The following ANO4 variants were observed in gnomAD, a reference collection of about 807,000 sequenced individuals.
ANO4 encodes anoctamin 4.
Under a neutral mutation model 141.9 loss-of-function variants are expected in ANO4, and 69 were observed. The observed-to-expected ratio is 0.49, with a 90% CI of 0.40 to 0.59. The LOEUF (loss-of-function observed/expected upper bound fraction) is 0.59. Among genes scored for constraint, ANO4 ranks in the 20% least tolerant of loss-of-function variants. The probability of loss-of-function intolerance (pLI) is 0.00; values close to 1 mark genes in which losing one functional copy is unlikely to be tolerated. For synonymous variants in ANO4, 350 were observed against 394.3 expected (o/e 0.89, Z 1.33); for missense variants, 894 against 1,162.2 (o/e 0.77, Z 3.36).
At chr12:100,893,054 G>T (rs958513376) in intron 1 of ANO4, among the ~76,000 whole-genome samples, 7 of 152,160 alleles carry the variant, frequency 4.6e-5, no homozygotes, top group African/African-American at 1.7e-4. Context: ...AGGTCTTGGT[G>T]TAGTTATGTA....
At chr12:100,871,937 T>TA (rs1289370867) in intron 1 of ANO4, among the ~76,000 whole-genome samples, 1 of 152,202 alleles carries the variant, frequency 6.6e-6, no homozygotes, top group African/African-American at 2.4e-5. Context: ...ATTTAGTTTA[T>TA]AAAAAAGGGC....
chr12:100,776,754 G>A (rs1462240394), intron 3 of ANO4, among the ~76,000 whole-genome samples: 1 of 152,148 alleles, frequency 6.6e-6, no homozygotes, highest in Non-Finnish European at 1.5e-5. Flanking sequence ...TAAATACTAA[G>A]CCAACAAGAG....
At chr12:101,109,516 G>A (rs764228282) in intron 22 of ANO4, among the ~76,000 whole-genome samples, 22 of 151,966 alleles carry the variant, frequency 1.4e-4, no homozygotes, top group African/African-American at 4.8e-4. Flanking sequence ...AGCCGAGATC[G>A]TGCTGCTACA....
At chr12:100,790,254 T>C (rs1459643353), upstream of ANO4, among the ~76,000 whole-genome samples, 1 of 152,212 alleles carries the variant, frequency 6.6e-6, no homozygotes, top group Non-Finnish European at 1.5e-5. Context: ...GGGCTTTGAA[T>C]GTCAGGTGCA....
chr12:100,857,601 G>A (rs561904927), intron 1 of ANO4, among the ~76,000 whole-genome samples: 60 of 152,188 alleles, frequency 3.9e-4, no homozygotes, highest in African/African-American at 1.3e-3. Flanking sequence ...AAGCTGATAC[G>A]CAGACAAGTG....
chr12:100,764,194 G>C (rs1048665745), intron 3 of ANO4, among the ~76,000 whole-genome samples: 2 of 152,094 alleles, frequency 1.3e-5, no homozygotes, highest in Admixed American at 1.3e-4. Flanking sequence ...TCATAAAAAT[G>C]GTTCTCAAAG....
At chr12:100,829,094 A>T (rs1197543453) in intron 1 of ANO4, among the ~76,000 whole-genome samples, 2 of 151,974 alleles carry the variant, frequency 1.3e-5, no homozygotes, top group African/African-American at 4.8e-5. Context: ...GCTGTTAGAG[A>T]TTCATGTGGG....
intron 1 of ANO4, among the ~76,000 whole-genome samples, chr12:100,829,356 A>C (rs1357049887): frequency 1.3e-5 from 2 of 152,096 alleles, no homozygotes; most frequent in Non-Finnish European, 2.9e-5. Context: ...TTCCTGGGAA[A>C]TATGTATATA....
Position 100,796,807 on chromosome 12 carries a change from C to T in ANO4, c.-141+1780C>T, listed in dbSNP as rs954309807. Among the ~76,000 whole-genome samples the T allele has an allele frequency of 3.3e-5, 5 of 152,022 alleles. No homozygotes were observed. The East Asian group carries it at 9.6e-4, about 29-fold the overall frequency. ...TTAATGTTTAGCTGTTTACTTTCAT[C>T]CTTAATGGTGTGTTCTTACTTTGCT... On this transcript the variant is annotated intron_variant, in intron 1 of 27. Coordinates refer to ENST00000392977, the MANE Select transcript of ANO4 (RefSeq NM_001286615.2).
intron 5 of ANO4, among the ~76,000 whole-genome samples, chr12:100,950,691 G>A (rs1015602835): frequency 6.6e-6 from 1 of 152,188 alleles, no homozygotes; most frequent in Admixed American, 6.5e-5. Context: ...GTGCAGCACA[G>A]AGCTGGTCTA....
chr12:100,746,694 G>T (rs527895383), intron 3 of ANO4, among the ~76,000 whole-genome samples: 2 of 152,114 alleles, frequency 1.3e-5, no homozygotes, highest in African/African-American at 4.8e-5. Context: ...ACAAGACGTG[G>T]TCCCTAACTC....
At chr12:100,916,068 G>A (rs1191392017) in intron 2 of ANO4, among the ~76,000 whole-genome samples, 1 of 152,092 alleles carries the variant, frequency 6.6e-6, no homozygotes, top group African/African-American at 2.4e-5. Flanking sequence ...ACATTGTTAT[G>A]TGTCACAGCA....
At chr12:101,063,632 T>C (rs1192959093) in intron 14 of ANO4, among the ~76,000 whole-genome samples, 1 of 152,036 alleles carries the variant, frequency 6.6e-6, no homozygotes. Context: ...TATTTCCATC[T>C]TGAATGTTTG....
chr12:100,788,446 G>C (rs944326152), intron 3 of ANO4, among the ~76,000 whole-genome samples: 1 of 152,116 alleles, frequency 6.6e-6, no homozygotes, highest in African/African-American at 2.4e-5. Context: ...GCAAGAGTTG[G>C]CATATTATTT....
chr12:100,795,103 G>A (rs1341962415), intron 1 of ANO4, 76 bp downstream of exon 1: 1 of 152,764 alleles, frequency 6.5e-6, no homozygotes, highest in African/African-American at 2.4e-5. Flanking sequence ...TCCCAGCTAA[G>A]CTTAGTGACC....
intron 8 of ANO4, among the ~76,000 whole-genome samples, chr12:100,997,268 A>T (rs2045426109): frequency 7.3e-6 from 1 of 137,766 alleles, no homozygotes; most frequent in Admixed American, 8.1e-5. Context: ...CTGGAGGCGG[A>T]GGTTGCAGTG....
chr12:100,876,415 G>C (rs1330751584), intron 1 of ANO4, among the ~76,000 whole-genome samples: 1 of 152,278 alleles, frequency 6.6e-6, no homozygotes, highest in East Asian at 1.9e-4. Flanking sequence ...GCTGCCTATG[G>C]CCACAGTTTC....
intron 5 of ANO4, among the ~76,000 whole-genome samples, chr12:100,957,878 T>C (rs1247131998): frequency 6.6e-6 from 1 of 152,240 alleles, no homozygotes; most frequent in African/African-American, 2.4e-5. Context: ...CATTTTTATA[T>C]ATTTTTTTTA....
At chr12:100,871,377 ACCC>A (rs2039027068) in intron 1 of ANO4, among the ~76,000 whole-genome samples, 2 of 152,172 alleles carry the variant, frequency 1.3e-5, no homozygotes, top group Admixed American at 6.5e-5. Context: ...ACTTGTTGGC[ACCC>A]TGCAGTTTAC....
Sources: allele counts gnomAD v4.1 joint callset (sites outside exome capture counted in the v4.1 genomes callset), GRCh38; gene constraint gnomAD v4.1.1; transcripts MANE v1.5; gene names NCBI Gene and HGNC (gene_info 2026-07-23, HGNC 2026-07-21).